Variants in SEC14L1 observed in about 807,000 individuals in gnomAD.
SEC14L1 encodes the protein SEC14 like lipid binding 1.
Under a neutral mutation model 85.3 loss-of-function variants are expected in SEC14L1, and 48 were observed. That is an observed-to-expected ratio of 0.56 (90% CI 0.45 to 0.72). SEC14L1 has a LOEUF of 0.72. Among genes scored for constraint, SEC14L1 ranks in the 30% least tolerant of loss-of-function variants. The pLI, the probability that SEC14L1 is intolerant of heterozygous loss-of-function variation, is 0.00. For synonymous variants in SEC14L1, 391 were observed against 355.5 expected (o/e 1.10, Z -1.12); for missense variants, 682 against 921.4 (o/e 0.74, Z 3.36).
rs150114821 is a variant in SEC14L1, at chr17:77,134,398, A to G, written c.-135-8248A>G. ...CCAAGTAGCTGGAACTATAGATGCG[A>G]GCCACCATGACCAGCTAAATTTTAA... is the stretch of plus-strand genomic sequence containing the variant. On this transcript the variant is annotated intron_variant, in intron 3 of 19. Coordinates refer to the SEC14L1 transcript ENST00000392476. 3.7e-4 allele frequency among the ~76,000 whole-genome samples: 56 copies of G among 152,160 alleles called. No individual in the cohort carries two copies. In the East Asian group the frequency reaches 0.01, roughly 27 times the overall value.
intron 3 of SEC14L1, among the ~76,000 whole-genome samples, chr17:77,125,877 C>T (rs546368275): frequency 3.3e-5 from 5 of 152,288 alleles, no homozygotes; most frequent in South Asian, 2.1e-4. Context: ...TGGGGCCGGG[C>T]GGGGTGGCTC....
intron 3 of SEC14L1, among the ~76,000 whole-genome samples, chr17:77,123,783 G>A (rs1018154651): frequency 1.4e-4 from 21 of 152,152 alleles, no homozygotes; most frequent in African/African-American, 5.1e-4. Flanking sequence ...TGCTGGCCAG[G>A]CAGGGGCCAG....
In SEC14L1 at chr17:77,128,415, A is replaced by G. The variant is rs375436399; in HGVS notation, c.-135-14231A>G. ...ATTTTATTTTATTTTATTTTATTTT[A>G]TTTTATTTTATTTTATTTTATTTTA... On this transcript the variant is annotated intron_variant, in intron 3 of 19. Transcript: ENST00000392476. Among the ~76,000 whole-genome samples, 127 of 25,160 alleles carry G rather than the reference A, an allele frequency of 5.0e-3. 8 individuals are homozygous for G. The highest frequency in any genetic ancestry group is 8.0e-3 in the South Asian group (7 of 878). The allele number at this position is 25,160 out of a possible 152,430, so 16.5% of individuals were successfully genotyped here.
At chr17:77,176,169 A>AATCC (rs1974746233) in intron 3 of SEC14L1, among the ~76,000 whole-genome samples, 1 of 152,290 alleles carries the variant, frequency 6.6e-6, no homozygotes, top group East Asian at 1.9e-4. Flanking sequence ...GCACACCTGT[A>AATCC]ATCCCAGCTA....
intron 3 of SEC14L1, among the ~76,000 whole-genome samples, chr17:77,154,989 G>C (rs111863083): frequency 6.6e-6 from 1 of 152,084 alleles, no homozygotes; most frequent in Non-Finnish European, 1.5e-5. Context: ...GCTGTTTGGG[G>C]ACCCCCAGTT....
Position 77,215,681 on chromosome 17 carries a change from G to T in SEC14L1, c.*1658G>T. On this transcript the variant is annotated 3_prime_UTR_variant, in exon 17 of 17. Coordinates refer to ENST00000436233, the MANE Select transcript of SEC14L1 (RefSeq NM_001143998.2). ...TTGCTCTTAGAGATCGAGCTCCTCA[G>T]TGGTACCTGAAGCCTTTGCTTCCGG... is the stretch of plus-strand genomic sequence containing the variant. The T allele has an allele frequency of 1.0e-6, 1 of 994,444 alleles. No homozygotes were observed. The highest frequency in any genetic ancestry group is 1.2e-6 in the Non-Finnish European group (1 of 834,316). The allele number at this position is 994,444 out of a possible 1,614,324, so 61.6% of individuals were successfully genotyped here.
At chr17:77,125,008 T>A (rs979539572) in intron 3 of SEC14L1, among the ~76,000 whole-genome samples, 14 of 104,896 alleles carry the variant, frequency 1.3e-4, no homozygotes, top group African/African-American at 9.0e-4. Context: ...TTTTTATTAT[T>A]ATTATATATT....
chr17:77,125,389 A>C (rs1200695256), intron 3 of SEC14L1, among the ~76,000 whole-genome samples: 1 of 151,752 alleles, frequency 6.6e-6, no homozygotes, highest in Non-Finnish European at 1.5e-5. Flanking sequence ...TTCACTCAGC[A>C]TTCTAAAATT....
intron 3 of SEC14L1, among the ~76,000 whole-genome samples, chr17:77,174,829 C>T (rs373893047): frequency 7.4e-4 from 112 of 152,286 alleles, no homozygotes; most frequent in African/African-American, 2.6e-3. Flanking sequence ...AGAAGGGTGC[C>T]GCCTGCATCT....
At chr17:77,126,050 C>T (rs1166545422) in intron 3 of SEC14L1, among the ~76,000 whole-genome samples, 1 of 152,156 alleles carries the variant, frequency 6.6e-6, no homozygotes, top group Non-Finnish European at 1.5e-5. Flanking sequence ...ACTTGGAAGG[C>T]TGAGGCAGGA....
intron 3 of SEC14L1, among the ~76,000 whole-genome samples, chr17:77,100,794 C>T (rs1038490323): frequency 1.1e-4 from 16 of 152,010 alleles, no homozygotes; most frequent in Non-Finnish European, 1.8e-4. Context: ...GGCCTCTCAG[C>T]GTAACTTTAC....
intron 14 of SEC14L1, chr17:77,209,829 G>T: frequency 5.6e-6 from 1 of 178,294 alleles, no homozygotes; most frequent in Non-Finnish European, 1.2e-5. Flanking sequence ...TATTGAACAA[G>T]TTTCATGTGC....
chr17:77,200,832 G>T (rs1196299050), intron 9 of SEC14L1, among the ~76,000 whole-genome samples, 159 bp downstream of exon 9: 1 of 152,186 alleles, frequency 6.6e-6, no homozygotes, highest in African/African-American at 2.4e-5. Context: ...TGAACAGACT[G>T]ATACGTGTCA....
intron 9 of SEC14L1, among the ~76,000 whole-genome samples, chr17:77,201,708 A>T (rs1976156755): frequency 6.6e-6 from 1 of 152,142 alleles, no homozygotes. Flanking sequence ...CTTGGCCTCC[A>T]AAAGTGCAGG....
At chr17:77,164,761 A>G (rs972733015) in intron 3 of SEC14L1, among the ~76,000 whole-genome samples, 10 of 152,310 alleles carry the variant, frequency 6.6e-5, no homozygotes, top group African/African-American at 2.4e-4. Context: ...TTGCTAGGAA[A>G]GCTGAGCTTA....
At chr17:77,108,165 G>A (rs1254850039) in intron 3 of SEC14L1, among the ~76,000 whole-genome samples, 2 of 152,076 alleles carry the variant, frequency 1.3e-5, no homozygotes, top group Non-Finnish European at 2.9e-5. Flanking sequence ...CTGTTTGGGC[G>A]AGTGTGCAGT....
intron 3 of SEC14L1, among the ~76,000 whole-genome samples, chr17:77,150,183 A>C (rs1019339356): frequency 6.6e-6 from 1 of 152,058 alleles, no homozygotes; most frequent in African/African-American, 2.4e-5. Flanking sequence ...CAGGTGTCTC[A>C]TGTCTTCCCA....
intron 13 of SEC14L1, among the ~76,000 whole-genome samples, chr17:77,207,941 A>C (rs540364879): frequency 1.3e-5 from 2 of 152,174 alleles, no homozygotes; most frequent in Non-Finnish European, 2.9e-5. Flanking sequence ...TCTTGGGAGC[A>C]TTACGGAAGC....
chr17:77,180,452 T>C (rs1292730338), intron 3 of SEC14L1, among the ~76,000 whole-genome samples: 1 of 150,230 alleles, frequency 6.7e-6, no homozygotes, highest in African/African-American at 2.5e-5. Context: ...AAGGTCTGGC[T>C]CTTTCACCCC....
Sources: gnomAD v4.1 joint callset for allele counts (sites outside exome capture counted in the v4.1 genomes callset) on GRCh38, gnomAD v4.1.1 for gene constraint, MANE v1.5 for transcripts, NCBI Gene and HGNC (gene_info 2026-07-23, HGNC 2026-07-21) for gene names.